HROB: variants seen among roughly 807,000 people sequenced by gnomAD.
HROB encodes homologous recombination factor with OB-fold.
Under a neutral mutation model 61.0 loss-of-function variants are expected in HROB, and 44 were observed. The observed-to-expected ratio is 0.72, with a 90% CI of 0.57 to 0.93. HROB has a LOEUF of 0.93. HROB is among the 40% of genes least tolerant of loss of function. HROB has a pLI of 0.00. For synonymous variants in HROB, 301 were observed against 310.4 expected, an observed-to-expected ratio of 0.97 and a Z score of 0.32; for missense variants, 716 against 796.2, an observed-to-expected ratio of 0.90 and a Z score of 1.21.
chr17:44,157,770 G>A (rs2054014990), intron 8 of HROB, 63 bp from the exon 9 acceptor site: 3 of 1,272,808 alleles, frequency 2.4e-6, no homozygotes, highest in Admixed American at 4.0e-5. Context: ...TCTGGGTAGA[G>A]GTGGTGCCAT....
intron 9 of HROB, among the ~76,000 whole-genome samples, 186 bp from the exon 10 acceptor site, chr17:44,161,685 G>T (rs1342428939): frequency 6.6e-6 from 1 of 152,200 alleles, no homozygotes; most frequent in Non-Finnish European, 1.5e-5. Flanking sequence ...GGTACAAGGG[G>T]AGCAGAGGGA....
chr17:44,148,532 G>C lies in HROB; in HGVS notation c.729G>C (p.Leu243Phe). 1 of 1,614,090 alleles carries C rather than the reference G, an allele frequency of 6.2e-7. No individual in the cohort carries two copies. Among genetic ancestry groups the C allele is most frequent in the Non-Finnish European group, 8.5e-7 (1 of 1,180,020 alleles). ...AATGTAGGACTCCACGACCCCCCTT[G>C]AGACCTGGTGCTGTGGGTCACCTTC... ...VIQCRTPRPP[L>F]RPGAVGHLPV... is the part of the protein sequence containing the mutation. The change falls in exon 3 of 10, where the codon TTG (leucine) becomes TTC (phenylalanine). Residue 243 changes from leucine (L) to phenylalanine (F), a missense_variant. Leu to Phe is a conservative substitution (Grantham distance 22). Transcript: ENST00000585683.
chr17:44,145,115 A>C, intron 1 of HROB, 88 bp from the exon 2 acceptor site: 1 of 1,348,568 alleles, frequency 7.4e-7, no homozygotes, highest in Non-Finnish European at 1.1e-6. Context: ...ACCTGATGGT[A>C]TTGTTAGTGC....
At chr17:44,157,576 GCT>G (rs1454576355) in intron 8 of HROB, among the ~76,000 whole-genome samples, 1 of 151,882 alleles carries the variant, frequency 6.6e-6, no homozygotes, top group Non-Finnish European at 1.5e-5. Context: ...ACCATGCCCG[GCT>G]CTGTTTTTGT....
chr17:44,142,198 C>T, intron 1 of HROB, 53 bp downstream of exon 1: 2 of 1,472,938 alleles, frequency 1.4e-6, no homozygotes, highest in Non-Finnish European at 1.8e-6. Context: ...CCCTGGCCTC[C>T]GGAACTGCTC....
chr17:44,151,367 C>A (rs796493515), intron 4 of HROB, among the ~76,000 whole-genome samples: 8 of 152,312 alleles, frequency 5.3e-5, no homozygotes, highest in African/African-American at 1.7e-4. Context: ...CTCAGGAGCC[C>A]TTCCTCTCAG....
At chr17:44,154,370 T>C in intron 5 of HROB, 186 bp from the exon 6 acceptor site, 1 of 570,958 alleles carries the variant, frequency 1.8e-6, no homozygotes. Flanking sequence ...GGGAGAGAAA[T>C]GAAGGACCTC....
In HROB at chr17:44,162,025, G is replaced by T; in HGVS notation, c.*93G>T. On this transcript the variant is annotated 3_prime_UTR_variant, in exon 10 of 10. Transcript: ENST00000585683. ...GGGGGAGAAGAAGGCCAGCATGATT[G>T]GAGAGTGGACACAGCCGGGGGGCTT... 1 of 1,425,004 alleles carries T rather than the reference G, an allele frequency of 7.0e-7. No homozygotes were observed. 88.3% of individuals were successfully genotyped at this position (1,425,004 alleles called of 1,614,324 possible).
At position 44,148,703 on chromosome 17, in the gene HROB, A is replaced by C; in HGVS notation, c.900A>C (p.Pro300=). 6.2e-7 allele frequency: 1 copy of C among 1,614,188 alleles called. No individual in the cohort carries two copies. The highest frequency in any genetic ancestry group is 1.1e-5 in the South Asian group (1 of 91,088). ...CTCAAAATCGTTTCCCTTGTCAGCC[A>C]TTCCAGTCTCCAAGTTCCTGGTTAA... is the stretch of plus-strand genomic sequence containing the variant. ...SSPQNRFPCQ[P]FQSPSSWLSG... is the part of the protein sequence containing the mutation. Residue 300 remains proline (P), a synonymous_variant, in exon 3 of 10, where the codon CCA becomes CCC. Transcript: ENST00000585683.
chr17:44,147,846 G>A lies in HROB; in HGVS notation c.55-12G>A, dbSNP rs1290404267. The A allele has an allele frequency of 1.9e-6, 3 of 1,604,438 alleles. No homozygotes were observed. Among genetic ancestry groups the A allele is most frequent in the Admixed American group, 1.7e-5 (1 of 59,610 alleles). On this transcript the variant is annotated splice_polypyrimidine_tract_variant and intron_variant, in intron 2 of 9. Transcript: ENST00000585683. Reference sequence around the variant, plus strand: ...CCAGATGCCAAGACCTACCATCTCTGCTTCCTTGTAGGATTTCTTGTCTGC... The same window carrying A: ...CCAGATGCCAAGACCTACCATCTCTACTTCCTTGTAGGATTTCTTGTCTGC...
intron 5 of HROB, among the ~76,000 whole-genome samples, chr17:44,154,206 G>A (rs887826127): frequency 6.6e-6 from 1 of 152,110 alleles, no homozygotes; most frequent in Non-Finnish European, 1.5e-5. Context: ...GCCGGGCGTG[G>A]TGGTGGGCGC....
chr17:44,155,623 C>G (rs2053949137), intron 8 of HROB, among the ~76,000 whole-genome samples: 1 of 152,164 alleles, frequency 6.6e-6, no homozygotes, highest in Admixed American at 6.6e-5. Flanking sequence ...GAGCAGCTGG[C>G]TTCTTGGTGA....
intron 2 of HROB, among the ~76,000 whole-genome samples, chr17:44,146,401 G>A (rs1232198956): frequency 6.6e-6 from 1 of 152,170 alleles, no homozygotes; most frequent in Admixed American, 6.6e-5. Flanking sequence ...TCAAGGAGAT[G>A]TGTCCTTGTC....
chr17:44,158,157 C>T (rs1324561746), intron 9 of HROB, among the ~76,000 whole-genome samples: 1 of 152,208 alleles, frequency 6.6e-6, no homozygotes, highest in East Asian at 1.9e-4. Flanking sequence ...GTGTCATCCA[C>T]AGGTTTCCCC....
rs1181654352 is a variant in HROB at position 44,162,322 on chromosome 17, C to T, written c.*390C>T. On this transcript the variant is annotated 3_prime_UTR_variant, in exon 10 of 10. Coordinates refer to ENST00000585683, the MANE Select transcript of HROB (RefSeq NM_001171251.3). ...GGAGCCACACCACAACAATGGCGGC[C>T]TGCCCCTCCACACAGGGGAGAAGCA... 1 of 205,798 alleles carries T rather than the reference C, an allele frequency of 4.9e-6. No individual in the cohort carries two copies. The highest frequency in any genetic ancestry group is 1.4e-4 in the East Asian group (1 of 7,112). The allele number at this position is 205,798 out of a possible 1,614,324, so 12.7% of individuals were successfully genotyped here.
intron 7 of HROB, 116 bp downstream of exon 7, chr17:44,155,054 G>C: frequency 7.3e-7 from 1 of 1,374,300 alleles, no homozygotes; most frequent in South Asian, 1.3e-5. Flanking sequence ...CTGAACCATT[G>C]CTAGGCCCTG....
intron 1 of HROB, among the ~76,000 whole-genome samples, chr17:44,142,442 C>T (rs1452281413): frequency 1.3e-5 from 2 of 151,740 alleles, no homozygotes; most frequent in Non-Finnish European, 2.9e-5. Context: ...CCATCCCTTT[C>T]CCCTCCCCGC....
Position 44,157,956 on chromosome 17 carries a change from C to T in HROB, c.1879+15C>T. On this transcript the variant is annotated intron_variant, in intron 9 of 9. Transcript: ENST00000585683. ...CCCAGAAGCAGGTAAAGCAGTCAGC[C>T]CATCTGGGAGCAAGAGAGGTTCTAT... 9.4e-6 allele frequency: 15 copies of T among 1,591,728 alleles called. No homozygotes were observed. Among genetic ancestry groups the T allele is most frequent in the Non-Finnish European group, 1.3e-5 (15 of 1,162,148 alleles).
intron 5 of HROB, among the ~76,000 whole-genome samples, chr17:44,153,333 T>C (rs1174480708): frequency 6.6e-6 from 1 of 151,084 alleles, no homozygotes; most frequent in Non-Finnish European, 1.5e-5. Context: ...ACATGTCTTA[T>C]AGTCCCAGCT....
Sources: allele counts gnomAD v4.1 joint callset (sites outside exome capture counted in the v4.1 genomes callset), GRCh38; gene constraint gnomAD v4.1.1; transcripts MANE v1.5; gene names NCBI Gene and HGNC (gene_info 2026-07-23, HGNC 2026-07-21).